TSPAN9: variants seen among roughly 807,000 people sequenced by gnomAD.
TSPAN9 encodes the protein tetraspanin 9, also known as tetraspanin-9.
A neutral mutation model predicts 31.0 loss-of-function variants in TSPAN9; 16 were observed. That is an observed-to-expected ratio of 0.52 (90% CI 0.35 to 0.78). The LOEUF (loss-of-function observed/expected upper bound fraction) is 0.78, where lower values mean the gene tolerates loss of function less well. Ranked by LOEUF, TSPAN9 falls within the 30% of genes least tolerant of loss-of-function variation. TSPAN9 has a pLI of 0.01. For missense variants in TSPAN9, 272 were observed against 312.5 expected (o/e 0.87, Z 0.98); for synonymous variants, 145 against 121.6 (o/e 1.19, Z -1.27).
intron 3 of TSPAN9, among the ~76,000 whole-genome samples, chr12:3,210,892 C>T (rs758435009): frequency 3.9e-5 from 6 of 152,086 alleles, no homozygotes; most frequent in Admixed American, 6.5e-5. Context: ...ACTATAGGCA[C>T]GTGCTACCAA....
chr12:3,113,205 G>A (rs771146534), intron 2 of TSPAN9, among the ~76,000 whole-genome samples: 151 of 152,320 alleles, frequency 9.9e-4, no homozygotes, highest in Non-Finnish European at 1.9e-3. Flanking sequence ...GGGAAGTGTG[G>A]TGGAGAAAGG....
chr12:3,223,798 G>A (rs1270343373), intron 3 of TSPAN9, among the ~76,000 whole-genome samples: 4 of 152,208 alleles, frequency 2.6e-5, no homozygotes, highest in Admixed American at 2.6e-4. Flanking sequence ...CTTGTTAGGA[G>A]AGCGATCAGC....
intron 2 of TSPAN9, among the ~76,000 whole-genome samples, chr12:3,194,786 G>T (rs1238735344): frequency 6.6e-6 from 1 of 151,956 alleles, no homozygotes; most frequent in Non-Finnish European, 1.5e-5. Context: ...TTTCACCATC[G>T]ATGTTACCGT....
At chr12:3,218,026 C>T (rs2098382256) in intron 3 of TSPAN9, among the ~76,000 whole-genome samples, 1 of 151,978 alleles carries the variant, frequency 6.6e-6, no homozygotes, top group Non-Finnish European at 1.5e-5. Context: ...TGTGTTGGGG[C>T]CAGCTGAGTT....
intron 3 of TSPAN9, among the ~76,000 whole-genome samples, chr12:3,262,417 A>G (rs150860943): frequency 1.9e-4 from 29 of 150,046 alleles, no homozygotes; most frequent in African/African-American, 6.9e-4. Context: ...GAGCAAATGT[A>G]TTCCTCGGAT....
chr12:3,127,101 T>G (rs1025076652), intron 2 of TSPAN9, among the ~76,000 whole-genome samples: 1 of 151,352 alleles, frequency 6.6e-6, no homozygotes, highest in Admixed American at 6.6e-5. Context: ...ATTTATAAAT[T>G]TATATAAATA....
chr12:3,152,491 A>T (rs1049619586), intron 2 of TSPAN9, among the ~76,000 whole-genome samples: 1 of 152,224 alleles, frequency 6.6e-6, no homozygotes, highest in African/African-American at 2.4e-5. Flanking sequence ...ACACAGTGAA[A>T]CATGTATTGA....
chr12:3,239,439 C>G (rs1465268668), intron 3 of TSPAN9, among the ~76,000 whole-genome samples: 1 of 152,182 alleles, frequency 6.6e-6, no homozygotes, highest in Non-Finnish European at 1.5e-5. Flanking sequence ...AACTTTTACC[C>G]TCATTAACAT....
intron 2 of TSPAN9, among the ~76,000 whole-genome samples, chr12:3,158,605 C>T (rs1370158813): frequency 6.6e-6 from 1 of 151,414 alleles, no homozygotes; most frequent in East Asian, 2.0e-4. Context: ...GCCTGTAGTC[C>T]CAGCTACTTG....
chr12:3,221,517 C>T (rs1462210182), intron 3 of TSPAN9, among the ~76,000 whole-genome samples: 1 of 152,022 alleles, frequency 6.6e-6, no homozygotes, highest in Non-Finnish European at 1.5e-5. Flanking sequence ...TGCCACCAAG[C>T]CCGTCTAATT....
intron 3 of TSPAN9, among the ~76,000 whole-genome samples, chr12:3,238,977 T>G (rs2098395228): frequency 6.6e-6 from 1 of 152,180 alleles, no homozygotes; most frequent in Non-Finnish European, 1.5e-5. Flanking sequence ...GGCCGCCATC[T>G]CAGCCCAGAG....
intron 2 of TSPAN9, among the ~76,000 whole-genome samples, chr12:3,193,542 C>T (rs542698763): frequency 2.6e-5 from 4 of 152,338 alleles, no homozygotes; most frequent in South Asian, 2.1e-4. Flanking sequence ...TCTGCATGGC[C>T]ATGTTTTCTG....
chr12:3,276,980 G>A (rs989192245), intron 3 of TSPAN9, among the ~76,000 whole-genome samples: 1 of 152,182 alleles, frequency 6.6e-6, no homozygotes, highest in African/African-American at 2.4e-5. Context: ...AGGAACCAGA[G>A]CAGCTTGAGA....
intron 2 of TSPAN9, among the ~76,000 whole-genome samples, chr12:3,119,511 T>A (rs1223942131): frequency 6.6e-6 from 1 of 151,998 alleles, no homozygotes; most frequent in Non-Finnish European, 1.5e-5. Flanking sequence ...CCCTTGCCCG[T>A]GTGATGTTTG....
At chr12:3,145,190 G>A (rs2098336582) in intron 2 of TSPAN9, among the ~76,000 whole-genome samples, 1 of 152,162 alleles carries the variant, frequency 6.6e-6, no homozygotes, top group African/African-American at 2.4e-5. Context: ...GGACCGTGAG[G>A]CCCTCCGGTC....
In TSPAN9 at chr12:3,259,273, C is replaced by T. The variant is rs11062598; in HGVS notation, c.64-19148C>T. On this transcript the variant is annotated intron_variant, in intron 3 of 8. Coordinates refer to ENST00000011898, the MANE Select transcript of TSPAN9 (RefSeq NM_006675.5). The stretch of plus-strand genomic sequence containing the variant: ...TGACAGAGCTTTTCACAGCCTGCAG[C>T]ATTTTCTCTTTGCCGTAACTCAGTA... 5.0e-3 allele frequency among the ~76,000 whole-genome samples: 762 copies of T among 152,322 alleles called. 21 individuals carry two copies. The East Asian group carries it at 0.092, about 18-fold the overall frequency.
intron 1 of TSPAN9, among the ~76,000 whole-genome samples, chr12:3,080,665 C>CGTTA (rs2098297420): frequency 6.6e-6 from 1 of 152,196 alleles, no homozygotes; most frequent in Non-Finnish European, 1.5e-5. Context: ...ACATTTTAAC[C>CGTTA]ATTCTTAAAT....
intron 3 of TSPAN9, among the ~76,000 whole-genome samples, chr12:3,261,721 G>A (rs3782777): frequency 0.39 from 59,368 of 152,056 alleles, 13,233 homozygotes; most frequent in South Asian, 0.57. Flanking sequence ...GGAAACCTTG[G>A]TTTTCACCCT....
At position 3,123,015 on chromosome 12, in the gene TSPAN9, G is replaced by T. The variant is rs369354382; in HGVS notation, c.-18+39296G>T. ...GGGTCCCTGGGGGAGAGGCAGGCAG[G>T]ATGCTAGGCCTCCCAAACAGGGAGG... On this transcript the variant is annotated intron_variant, in intron 2 of 8. Transcript: ENST00000011898. Among the ~76,000 whole-genome samples the T allele has an allele frequency of 1.5e-4, 23 of 152,270 alleles. No individual in the cohort carries two copies. In the East Asian group the frequency reaches 2.3e-3, roughly 15 times the overall value.
Sources: allele counts gnomAD v4.1 joint callset (sites outside exome capture counted in the v4.1 genomes callset), GRCh38; gene constraint gnomAD v4.1.1; transcripts MANE v1.5; gene names NCBI Gene and HGNC (gene_info 2026-07-23, HGNC 2026-07-21).